The following ME3 variants were observed in gnomAD, a reference collection of about 807,000 sequenced individuals.
ME3 encodes malic enzyme 3, also known as NADP-dependent malic enzyme, mitochondrial.
In ME3, 48 loss-of-function variants were observed where a neutral mutation model predicts 68.9. That is an observed-to-expected ratio of 0.70 (90% CI 0.55 to 0.89). The LOEUF (loss-of-function observed/expected upper bound fraction) is 0.89. Ranked by LOEUF, ME3 falls within the 40% of genes least tolerant of loss-of-function variation. The pLI, the probability that ME3 is intolerant of heterozygous loss-of-function variation, is 0.00. For missense variants in ME3, 675 were observed against 797.4 expected (o/e 0.85, Z 1.85); for synonymous variants, 320 against 318.8 (o/e 1.00, Z -0.04).
intron 2 of ME3, among the ~76,000 whole-genome samples, chr11:86,587,680 C>T (rs943326733): frequency 2.6e-5 from 4 of 152,154 alleles, no homozygotes; most frequent in Admixed American, 2.0e-4. Context: ...CCGTCATTCA[C>T]GGTTTGTGTG....
chr11:86,558,161 G>A (rs569125162), intron 3 of ME3, among the ~76,000 whole-genome samples: 97 of 152,330 alleles, frequency 6.4e-4, no homozygotes, highest in Non-Finnish European at 1.2e-3. Flanking sequence ...ACTGGGGAGA[G>A]AAGGATTTTT....
intron 7 of ME3, among the ~76,000 whole-genome samples, chr11:86,481,359 T>C (rs543305027): frequency 6.6e-6 from 1 of 151,750 alleles, no homozygotes; most frequent in South Asian, 2.1e-4. Flanking sequence ...AGCCGAAGAG[T>C]TTCTCAAATT....
intron 2 of ME3, among the ~76,000 whole-genome samples, chr11:86,595,320 G>GAGAGAGAGAGAGAGAGAGAC (rs140478684): frequency 0.022 from 2,980 of 138,486 alleles, 206 homozygotes; most frequent in Middle Eastern, 0.05. Flanking sequence ...GAGAGAGAGA[G>GAGAGAGAGAGAGAGAGAGAC]AGAGAGAGAG....
chr11:86,567,251 G>GAAGA (rs1957538681), intron 2 of ME3, among the ~76,000 whole-genome samples: 1 of 75,036 alleles, frequency 1.3e-5, no homozygotes, highest in Admixed American at 1.2e-4. Context: ...AGAAAGGAAG[G>GAAGA]AAGGAAGGAA....
chr11:86,508,648 A>G (rs1461858011), intron 5 of ME3, 144 bp downstream of exon 5: 3 of 705,666 alleles, frequency 4.3e-6, no homozygotes, highest in East Asian at 2.7e-5. Flanking sequence ...GTACTTGGCT[A>G]TAACAGGTCT....
intron 4 of ME3, 43 bp from the exon 5 acceptor site, chr11:86,508,910 C>A: frequency 6.6e-7 from 1 of 1,521,666 alleles, no homozygotes; most frequent in South Asian, 1.1e-5. Flanking sequence ...ACCAGGCAGT[C>A]AGATTAGGAA....
chr11:86,645,047 C>A (rs1944910509), intron 2 of ME3, among the ~76,000 whole-genome samples: 1 of 152,208 alleles, frequency 6.6e-6, no homozygotes, highest in Non-Finnish European at 1.5e-5. Flanking sequence ...TACGCTTTTC[C>A]CACTGTCTTT....
intron 4 of ME3, among the ~76,000 whole-genome samples, chr11:86,524,893 G>T (rs1183044314): frequency 6.6e-6 from 1 of 152,194 alleles, no homozygotes; most frequent in Non-Finnish European, 1.5e-5. Flanking sequence ...GATCTAATGT[G>T]TTGTTTTGAC....
intron 2 of ME3, among the ~76,000 whole-genome samples, chr11:86,640,033 C>T (rs1391871749): frequency 6.6e-6 from 1 of 152,184 alleles, no homozygotes; most frequent in Non-Finnish European, 1.5e-5. Context: ...GGCCTCAAGG[C>T]AAACTTTAGC....
chr11:86,526,151 A>G (rs562874830), intron 4 of ME3, among the ~76,000 whole-genome samples: 4 of 152,196 alleles, frequency 2.6e-5, no homozygotes, highest in Non-Finnish European at 5.9e-5. Context: ...GCACCTGGAA[A>G]ATCGGGTCAC....
chr11:86,571,575 A>C (rs1957795451), intron 2 of ME3, among the ~76,000 whole-genome samples: 1 of 152,238 alleles, frequency 6.6e-6, no homozygotes, highest in Non-Finnish European at 1.5e-5. Context: ...TTTTCCTTTA[A>C]TTTTAATTAA....
exon 13 of ME3, chr11:86,446,379 C>A: frequency 1.2e-6 from 2 of 1,614,182 alleles, no homozygotes; most frequent in South Asian, 1.1e-5. Flanking sequence ...ACTCCCAGTG[C>A]CACCCCGGGG....
chr11:86,474,524 C>A (rs984977038), intron 7 of ME3, among the ~76,000 whole-genome samples: 13 of 152,220 alleles, frequency 8.5e-5, no homozygotes, highest in African/African-American at 3.1e-4. Flanking sequence ...CAACTCACTC[C>A]TCAACCTCCT....
chr11:86,453,051 T>C (rs1207536902), intron 8 of ME3, among the ~76,000 whole-genome samples: 1 of 152,104 alleles, frequency 6.6e-6, no homozygotes, highest in Admixed American at 6.5e-5. Flanking sequence ...CAGGCTGGAG[T>C]GCAATGGTGT....
chr11:86,643,222 C>T (rs370384723), intron 2 of ME3, among the ~76,000 whole-genome samples: 1 of 152,138 alleles, frequency 6.6e-6, no homozygotes, highest in Non-Finnish European at 1.5e-5. Flanking sequence ...GATGATCTGT[C>T]TAAAGTTCAA....
At chr11:86,622,603 T>C (rs780669840) in intron 2 of ME3, 1 of 152,058 alleles carries the variant, frequency 6.6e-6, no homozygotes, top group Non-Finnish European at 1.5e-5. Flanking sequence ...TTCCTGAAAG[T>C]TGTGTTCCCT....
chr11:86,635,350 A>C (rs576499314), intron 2 of ME3, among the ~76,000 whole-genome samples: 1 of 152,224 alleles, frequency 6.6e-6, no homozygotes, highest in Non-Finnish European at 1.5e-5. Context: ...TCTGCAAGCC[A>C]GGGAGAGGGC....
chr11:86,454,745 TGGAA>T (rs1949820387), intron 8 of ME3, among the ~76,000 whole-genome samples: 1 of 152,250 alleles, frequency 6.6e-6, no homozygotes, highest in African/African-American at 2.4e-5. Context: ...TTGAGTTGGC[TGGAA>T]GGAAGAGAAC....
intron 2 of ME3, among the ~76,000 whole-genome samples, chr11:86,617,964 A>G (rs938326265): frequency 2.0e-5 from 3 of 152,254 alleles, no homozygotes; most frequent in Admixed American, 6.5e-5. Context: ...GCCAGAAACC[A>G]TTATTCAATA....
Sources: gnomAD v4.1 joint callset for allele counts (sites outside exome capture counted in the v4.1 genomes callset) on GRCh38, gnomAD v4.1.1 for gene constraint, MANE v1.5 for transcripts, NCBI Gene and HGNC (gene_info 2026-07-23, HGNC 2026-07-21) for gene names.